Variants in MAML3 observed in about 807,000 individuals in gnomAD.
MAML3 encodes the protein mastermind like transcriptional coactivator 3.
Under a neutral mutation model 101.9 loss-of-function variants are expected in MAML3, and 27 were observed. The ratio of observed to expected loss-of-function variants is 0.27; its 90% CI spans 0.20 to 0.37. The LOEUF is 0.37. Among genes scored for constraint, MAML3 ranks in the 10% least tolerant of loss-of-function variants. MAML3 has a pLI of 1.00. For missense variants in MAML3, 1,316 were observed against 1,444.9 expected (o/e 0.91, Z 1.45); for synonymous variants, 501 against 555.9 (o/e 0.90, Z 1.39).
chr4:139,918,924 C>T (rs887976183), intron 1 of MAML3, among the ~76,000 whole-genome samples: 1 of 151,970 alleles, frequency 6.6e-6, no homozygotes, highest in East Asian at 1.9e-4. Flanking sequence ...TTGGATTGAC[C>T]CCCAAGAAGC....
intron 1 of MAML3, among the ~76,000 whole-genome samples, chr4:139,975,085 T>C (rs990880758): frequency 2.0e-5 from 3 of 152,108 alleles, no homozygotes; most frequent in Non-Finnish European, 4.4e-5. Flanking sequence ...GATCACACCA[T>C]TCTCTTCTCA....
At chr4:140,083,937 C>CAA (rs1727904246) in intron 1 of MAML3, among the ~76,000 whole-genome samples, 1 of 26,682 alleles carries the variant, frequency 3.7e-5, no homozygotes, top group African/African-American at 8.4e-5. Flanking sequence ...CGCGCGCACA[C>CAA]ACACACACAC....
chr4:139,877,084 A>T (rs934329860), intron 2 of MAML3, among the ~76,000 whole-genome samples: 2 of 152,242 alleles, frequency 1.3e-5, no homozygotes, highest in African/African-American at 2.4e-5. Context: ...GGGAGTTATT[A>T]GTTTGGATAT....
At chr4:139,999,367 C>T (rs1181168091) in intron 1 of MAML3, among the ~76,000 whole-genome samples, 2 of 152,186 alleles carry the variant, frequency 1.3e-5, no homozygotes, top group East Asian at 3.9e-4. Flanking sequence ...CTCCTAGAAT[C>T]TCCATGACAA....
At chr4:140,092,524 G>A (rs1482402593) in intron 1 of MAML3, among the ~76,000 whole-genome samples, 4 of 151,890 alleles carry the variant, frequency 2.6e-5, no homozygotes, top group Non-Finnish European at 5.9e-5. Context: ...TCCTGATCCC[G>A]GAGGCTGCAG....
intron 1 of MAML3, among the ~76,000 whole-genome samples, chr4:140,150,836 G>C (rs560408897): frequency 6.6e-6 from 1 of 152,180 alleles, no homozygotes; most frequent in South Asian, 2.1e-4. Context: ...CCCGCCTCCG[G>C]CTACAATCAG....
chr4:139,812,202 T>TG (rs1730811102), intron 2 of MAML3, among the ~76,000 whole-genome samples: 1 of 152,148 alleles, frequency 6.6e-6, no homozygotes, highest in Admixed American at 6.5e-5. Context: ...TAGTGAGCTA[T>TG]GGTTGTGCTA....
intron 1 of MAML3, among the ~76,000 whole-genome samples, chr4:139,991,344 G>A (rs1734667717): frequency 6.6e-6 from 1 of 152,152 alleles, no homozygotes; most frequent in Non-Finnish European, 1.5e-5. Flanking sequence ...AAACAGGCTA[G>A]CCATATGTAG....
chr4:139,800,260 G>T (rs1467602604), intron 2 of MAML3, among the ~76,000 whole-genome samples: 1 of 152,094 alleles, frequency 6.6e-6, no homozygotes, highest in African/African-American at 2.4e-5. Context: ...CAGGAAGAAG[G>T]CCATTTCTAT....
intron 2 of MAML3, among the ~76,000 whole-genome samples, chr4:139,777,253 C>T (rs185137463): frequency 2.1e-4 from 32 of 152,230 alleles, no homozygotes; most frequent in African/African-American, 6.3e-4. Flanking sequence ...ATAGAATTTC[C>T]GGTTCTTTGC....
intron 1 of MAML3, among the ~76,000 whole-genome samples, chr4:139,894,726 GA>G (rs35304334): frequency 1.3e-5 from 2 of 151,018 alleles, no homozygotes; most frequent in Non-Finnish European, 3.0e-5. Flanking sequence ...GAATTTGACG[GA>G]AAAAAAAATA....
intron 1 of MAML3, among the ~76,000 whole-genome samples, chr4:140,131,715 T>G (rs570852518): frequency 6.6e-6 from 1 of 152,308 alleles, no homozygotes; most frequent in Non-Finnish European, 1.5e-5. Context: ...CTCTGCCATC[T>G]CCATGTCCAA....
At chr4:140,044,612 C>T (rs888118545) in intron 1 of MAML3, among the ~76,000 whole-genome samples, 45 of 152,240 alleles carry the variant, frequency 3.0e-4, no homozygotes, top group Admixed American at 5.9e-4. Context: ...GTGCCTGTGT[C>T]ATGTCCCTGC....
At position 139,719,242 on chromosome 4, in the gene MAML3, C is replaced by A. The variant is rs1728121347; in HGVS notation, c.*81G>T. ...TTACGTGGGTCAAAAAAACAAAAAA[C>A]AAGGATGGGTCAACATCCTGTTTCT... On this transcript the variant is annotated 3_prime_UTR_variant, in exon 5 of 5. Transcript: ENST00000509479. The A allele has an allele frequency of 1.4e-6, 2 of 1,467,674 alleles. No homozygotes were observed. The highest frequency in any genetic ancestry group is 1.8e-6 in the Non-Finnish European group (2 of 1,103,184). The allele number at this position is 1,467,674 out of a possible 1,614,324, so 90.9% of individuals were successfully genotyped here. A position where few individuals can be genotyped will look rare whatever the true frequency, so the allele number is the denominator to read the frequency against.
chr4:139,785,155 T>C lies in MAML3; in HGVS notation c.2080-54488A>G, dbSNP rs1375181219. On this transcript the variant is annotated intron_variant, in intron 2 of 4. Coordinates refer to ENST00000509479, the MANE Select transcript of MAML3 (RefSeq NM_018717.5). The surrounding 1 kb of genome is among the most constrained non-coding windows in gnomAD (Gnocchi z 4.3). ...AGGCCAGGGCCGATACCTGGATTCC[T>C]AACTGACAGACACCCAGCCACATGG... Among the ~76,000 whole-genome samples the C allele has an allele frequency of 2.0e-5, 3 of 152,216 alleles. No homozygotes were observed. The highest frequency in any genetic ancestry group is 6.5e-5 in the Admixed American group (1 of 15,286).
intron 1 of MAML3, among the ~76,000 whole-genome samples, chr4:139,960,065 A>G (rs182876773): frequency 6.6e-6 from 1 of 152,292 alleles, no homozygotes; most frequent in Admixed American, 6.5e-5. Context: ...AATTCAGAGG[A>G]AAGGAAAGCT....
At chr4:140,137,988 A>G (rs1205477476) in intron 1 of MAML3, among the ~76,000 whole-genome samples, 1 of 152,206 alleles carries the variant, frequency 6.6e-6, no homozygotes, top group Non-Finnish European at 1.5e-5. Flanking sequence ...TCCAATCTCA[A>G]CCACAAACTG....
At chr4:140,008,146 A>G (rs1238535407) in intron 1 of MAML3, among the ~76,000 whole-genome samples, 1 of 152,148 alleles carries the variant, frequency 6.6e-6, no homozygotes, top group Non-Finnish European at 1.5e-5. Flanking sequence ...GGAATTTGAG[A>G]CCAGCCTGGC....
chr4:139,970,844 T>C (rs1364207884), intron 1 of MAML3, among the ~76,000 whole-genome samples: 1 of 152,198 alleles, frequency 6.6e-6, no homozygotes, highest in Non-Finnish European at 1.5e-5. Flanking sequence ...CTTTTCACTG[T>C]TTCCAGAGGC....
Sources: gnomAD v4.1 joint callset for allele counts (sites outside exome capture counted in the v4.1 genomes callset) on GRCh38, gnomAD v4.1.1 for gene constraint, Gnocchi (gnomAD v3.1) non-coding constraint, MANE v1.5 for transcripts, NCBI Gene and HGNC (gene_info 2026-07-23, HGNC 2026-07-21) for gene names.